Variants in FOXP1 observed in about 807,000 individuals in gnomAD.
The protein encoded by FOXP1 is forkhead box P1.
A neutral mutation model predicts 98.2 loss-of-function variants in FOXP1; 15 were observed. That is an observed-to-expected ratio of 0.15 (90% CI 0.10 to 0.24). The LOEUF is 0.24. Among genes scored for constraint, FOXP1 ranks in the 10% least tolerant of loss-of-function variants. The pLI, the probability that FOXP1 is intolerant of heterozygous loss-of-function variation, is 1.00. For synonymous variants in FOXP1, 371 were observed against 314.5 expected, an observed-to-expected ratio of 1.18 and a Z score of -1.90; for missense variants, 633 against 848.5, an observed-to-expected ratio of 0.75 and a Z score of 3.15.
At chr3:71,197,356 G>A (rs1370668168) in intron 6 of FOXP1, among the ~76,000 whole-genome samples, 2 of 152,140 alleles carry the variant, frequency 1.3e-5, no homozygotes, top group Non-Finnish European at 2.9e-5. Flanking sequence ...AATCAGGAAA[G>A]GCGGGAAAAC....
chr3:71,582,103 A>C (rs1019902757), intron 1 of FOXP1: 2 of 962,764 alleles, frequency 2.1e-6, no homozygotes, highest in African/African-American at 3.6e-5. Flanking sequence ...AGCGATTTCG[A>C]AGCAAACACA....
intron 3 of FOXP1, among the ~76,000 whole-genome samples, chr3:71,434,888 C>T (rs1434344312): frequency 6.6e-6 from 1 of 152,006 alleles, no homozygotes; most frequent in Non-Finnish European, 1.5e-5. Context: ...TTCAGCTTCA[C>T]CAAGGAGTCC....
chr3:71,024,053 A>G (rs2107818194), intron 11 of FOXP1, among the ~76,000 whole-genome samples: 1 of 152,320 alleles, frequency 6.6e-6, no homozygotes, highest in South Asian at 2.1e-4. Flanking sequence ...ATCAGCTGGA[A>G]ATCAGCTGGA....
intron 6 of FOXP1, among the ~76,000 whole-genome samples, chr3:71,187,104 G>C (rs1355358295): frequency 1.3e-5 from 2 of 152,232 alleles, no homozygotes; most frequent in South Asian, 2.1e-4. Context: ...CAGAGTTATA[G>C]TGCCTTATAC....
intron 20 of FOXP1, among the ~76,000 whole-genome samples, chr3:70,961,494 C>A (rs1448100578): frequency 6.6e-6 from 1 of 151,692 alleles, no homozygotes; most frequent in Admixed American, 6.6e-5. Flanking sequence ...GCCTCCCAAA[C>A]TGCTGGGATT....
At chr3:71,306,288 C>T (rs537619481) in intron 4 of FOXP1, among the ~76,000 whole-genome samples, 1 of 152,188 alleles carries the variant, frequency 6.6e-6, no homozygotes, top group South Asian at 2.1e-4. Context: ...TAATTAAGAA[C>T]TCACTCGTGG....
At chr3:71,362,453 G>A (rs2078637350) in intron 3 of FOXP1, among the ~76,000 whole-genome samples, 1 of 152,148 alleles carries the variant, frequency 6.6e-6, no homozygotes, top group African/African-American at 2.4e-5. Flanking sequence ...TTATAGGCGT[G>A]AGCCACCGCG....
intron 6 of FOXP1, among the ~76,000 whole-genome samples, chr3:71,160,112 G>A (rs549498181): frequency 3.3e-5 from 5 of 152,308 alleles, no homozygotes; most frequent in Admixed American, 6.5e-5. Context: ...CCAAAGGGCC[G>A]AAGGCAGCTC....
chr3:71,345,563 GT>G (rs2077284932), intron 4 of FOXP1, among the ~76,000 whole-genome samples: 1 of 151,944 alleles, frequency 6.6e-6, no homozygotes, highest in Admixed American at 6.6e-5. Flanking sequence ...ATGAACATAT[GT>G]TTCCCTTAAA....
chr3:71,186,831 C>T (rs7429997), intron 6 of FOXP1, among the ~76,000 whole-genome samples: 68,933 of 152,156 alleles, frequency 0.45, 16,548 homozygotes, highest in African/African-American at 0.61. Flanking sequence ...GGGTAGAAGT[C>T]TGTAGAAGGC....
intron 5 of FOXP1, among the ~76,000 whole-genome samples, chr3:71,207,423 TGTA>T (rs1488651790): frequency 3.3e-5 from 5 of 152,208 alleles, no homozygotes; most frequent in South Asian, 4.1e-4. Context: ...ATCATGGTAA[TGTA>T]GTGAATGTGG....
intron 2 of FOXP1, among the ~76,000 whole-genome samples, chr3:71,555,711 G>A (rs1295368002): frequency 6.6e-6 from 1 of 152,094 alleles, no homozygotes; most frequent in Non-Finnish European, 1.5e-5. Flanking sequence ...TTGCTTCTCA[G>A]TGAAACCGAA....
intron 4 of FOXP1, among the ~76,000 whole-genome samples, chr3:71,315,079 T>TAAAAAAAAAAAAAAAAAAAAA (rs11355298): frequency 1.7e-4 from 12 of 70,674 alleles, no homozygotes; most frequent in East Asian, 6.5e-4. Flanking sequence ...CTGGTCCATG[T>TAAAAAAAAAAAAAAAAAAAAA]AAAAAAAAAA....
At chr3:71,233,439 T>C (rs2066500687) in intron 5 of FOXP1, among the ~76,000 whole-genome samples, 2 of 152,014 alleles carry the variant, frequency 1.3e-5, no homozygotes, top group Admixed American at 1.3e-4. Context: ...TGTTTTTGTT[T>C]TTTTGAGATG....
intron 11 of FOXP1, among the ~76,000 whole-genome samples, chr3:71,036,096 AT>A (rs2047541232): frequency 6.6e-6 from 1 of 152,236 alleles, no homozygotes; most frequent in South Asian, 2.1e-4. Context: ...ACATGGCAAC[AT>A]GTCAAGAGGC....
intron 6 of FOXP1, among the ~76,000 whole-genome samples, chr3:71,127,032 T>C (rs894947081): frequency 3.3e-5 from 5 of 152,170 alleles, no homozygotes; most frequent in African/African-American, 4.8e-5. Context: ...CTAATTTCTA[T>C]ATTCAGGTTC....
chr3:71,532,105 A>C (rs2043900952), intron 2 of FOXP1, among the ~76,000 whole-genome samples: 1 of 152,050 alleles, frequency 6.6e-6, no homozygotes, highest in Non-Finnish European at 1.5e-5. Context: ...AAGAAAAAAA[A>C]TTCTTTTGTT....
chr3:71,549,891 C>G (rs994421660), intron 2 of FOXP1, among the ~76,000 whole-genome samples: 6 of 139,422 alleles, frequency 4.3e-5, no homozygotes, highest in Non-Finnish European at 9.3e-5. Context: ...AAAAAACGCT[C>G]TCTGGTAAAC....
At chr3:71,465,329 AGAAG>A (rs2088595514) in intron 3 of FOXP1, among the ~76,000 whole-genome samples, 1 of 65,532 alleles carries the variant, frequency 1.5e-5, no homozygotes, top group African/African-American at 5.9e-5. Context: ...AAAAAAAAGA[AGAAG>A]AAGAAGAAGA....
Sources: gnomAD v4.1 joint callset for allele counts (sites outside exome capture counted in the v4.1 genomes callset) on GRCh38, gnomAD v4.1.1 for gene constraint, MANE v1.5 for transcripts, NCBI Gene and HGNC (gene_info 2026-07-23, HGNC 2026-07-21) for gene names.